SVOPL: variants seen among roughly 807,000 people sequenced by gnomAD.
SVOPL encodes the protein putative transporter SVOPL.
In SVOPL, 60 loss-of-function variants were observed where a neutral mutation model predicts 61.0. The observed-to-expected ratio is 0.98, with a 90% CI of 0.80 to 1.22. The LOEUF is 1.22. Among genes scored for constraint, SVOPL ranks in the 50% most tolerant of loss-of-function variants. The probability of loss-of-function intolerance (pLI) is 0.00; values close to 1 mark genes in which losing one functional copy is unlikely to be tolerated. For missense variants in SVOPL, 662 were observed against 643.9 expected (o/e 1.03, Z -0.30); for synonymous variants, 279 against 250.0 (o/e 1.12, Z -1.09).
chr7:138,621,723 C>A (rs939965052), intron 13 of SVOPL, among the ~76,000 whole-genome samples: 21 of 152,150 alleles, frequency 1.4e-4, no homozygotes, highest in African/African-American at 4.8e-4. Context: ...ATACCTGGCC[C>A]CTGTGTTCTT....
chr7:138,659,768 T>G (rs1801917957), intron 6 of SVOPL, 96 bp downstream of exon 6: 2 of 1,215,986 alleles, frequency 1.6e-6, no homozygotes, highest in Non-Finnish European at 2.3e-6. Flanking sequence ...TATGTTGGGT[T>G]CACAATGCTT....
rs58372563 is a variant in SVOPL, at chr7:138,599,167, A to AAAAAAC, written c.1354-2638_1354-2637insGTTTTT. ...AAAAAAAAAAAAAAAACCAAAAAAA[A>AAAAAAC]AAGAAATACAGAAATGTCAAAAGAC... is the stretch of plus-strand genomic sequence containing the variant. On this transcript the variant is annotated intron_variant, in intron 14 of 15. Transcript: ENST00000674285. Among the ~76,000 whole-genome samples, 638 of 121,774 alleles carry AAAAAAC rather than the reference A, an allele frequency of 5.2e-3. 14 individuals carry two copies. The highest frequency in any genetic ancestry group is 0.014 in the African/African-American group (434 of 31,560). 79.9% of individuals were successfully genotyped at this position (121,774 alleles called of 152,430 possible).
intron 7 of SVOPL, among the ~76,000 whole-genome samples, chr7:138,649,383 T>A (rs1801307913): frequency 6.6e-6 from 1 of 152,102 alleles, no homozygotes; most frequent in Non-Finnish European, 1.5e-5. Context: ...ACCCTCTGCC[T>A]CCTGGGTTCA....
At chr7:138,618,704 A>T (rs1446609304) in intron 14 of SVOPL, among the ~76,000 whole-genome samples, 1 of 143,960 alleles carries the variant, frequency 6.9e-6, no homozygotes, top group Non-Finnish European at 1.5e-5. Context: ...ACGCGTGCAC[A>T]CGCGCGAGAG....
At chr7:138,627,775 A>G (rs1467019792) in intron 11 of SVOPL, among the ~76,000 whole-genome samples, 2 of 152,140 alleles carry the variant, frequency 1.3e-5, no homozygotes, top group Non-Finnish European at 2.9e-5. Context: ...TCAAGGTGCC[A>G]TTGATTTTTT....
intron 6 of SVOPL, among the ~76,000 whole-genome samples, chr7:138,659,106 T>G (rs549491170): frequency 1.2e-4 from 18 of 152,304 alleles, no homozygotes; most frequent in Non-Finnish European, 2.1e-4. Flanking sequence ...GAGGCTTCAT[T>G]TGCATGATAA....
At chr7:138,673,924 C>T (rs976771557) in intron 3 of SVOPL, among the ~76,000 whole-genome samples, 1 of 151,844 alleles carries the variant, frequency 6.6e-6, no homozygotes, top group Non-Finnish European at 1.5e-5. Flanking sequence ...GTGGCTTACG[C>T]CTGTAATCCC....
intron 14 of SVOPL, among the ~76,000 whole-genome samples, chr7:138,613,648 C>T (rs1799153361): frequency 6.6e-6 from 1 of 152,116 alleles, no homozygotes. Context: ...AAGCCTGTCA[C>T]CCCTTTTACT....
intron 5 of SVOPL, chr7:138,662,737 G>A: frequency 9.0e-7 from 1 of 1,105,894 alleles, no homozygotes; most frequent in Non-Finnish European, 1.1e-6. Context: ...ACCAACCCAT[G>A]ACTGCTTCTA....
chr7:138,638,217 G>A (rs1224040312), intron 9 of SVOPL, among the ~76,000 whole-genome samples: 2 of 145,026 alleles, frequency 1.4e-5, no homozygotes, highest in African/African-American at 2.6e-5. Flanking sequence ...AGGTTTCAGT[G>A]TGCCGAGATG....
intron 3 of SVOPL, among the ~76,000 whole-genome samples, chr7:138,673,649 T>A (rs1361318699): frequency 1.3e-5 from 2 of 151,630 alleles, no homozygotes; most frequent in East Asian, 2.0e-4. Flanking sequence ...TGTCTACAAA[T>A]AATAATAATC....
At chr7:138,610,919 A>G (rs1798971131) in intron 14 of SVOPL, among the ~76,000 whole-genome samples, 1 of 152,206 alleles carries the variant, frequency 6.6e-6, no homozygotes, top group African/African-American at 2.4e-5. Context: ...ACTGACACCC[A>G]CTTACAGGTA....
intron 3 of SVOPL, 58 bp from the exon 4 acceptor site, chr7:138,672,175 C>T (rs1448960165): frequency 2.0e-6 from 3 of 1,474,476 alleles, no homozygotes; most frequent in African/African-American, 1.4e-5. Context: ...CACTTCTTCT[C>T]ATATCTGCCT....
At chr7:138,686,904 C>G (rs1802830305) in intron 1 of SVOPL, among the ~76,000 whole-genome samples, 1 of 152,068 alleles carries the variant, frequency 6.6e-6, no homozygotes, top group Admixed American at 6.6e-5. Flanking sequence ...ATAAACATAA[C>G]AAACAATTAT....
intron 9 of SVOPL, among the ~76,000 whole-genome samples, chr7:138,631,574 A>G (rs113799537): frequency 1.1e-3 from 166 of 151,050 alleles, no homozygotes; most frequent in African/African-American, 3.6e-3. Flanking sequence ...CCCCTCCCCA[A>G]AGCTTTTTTT....
chr7:138,633,838 G>A (rs1052597987), intron 9 of SVOPL, among the ~76,000 whole-genome samples: 7 of 152,098 alleles, frequency 4.6e-5, no homozygotes, highest in African/African-American at 1.7e-4. Context: ...GATGGTAGTG[G>A]GATTCAAGAC....
intron 2 of SVOPL, 43 bp downstream of exon 2, chr7:138,678,921 T>G: frequency 6.5e-7 from 1 of 1,533,330 alleles, no homozygotes; most frequent in Non-Finnish European, 8.8e-7. Context: ...GATTCTTAAC[T>G]CTAAGCAGCA....
chr7:138,655,832 A>C (rs996272382), intron 7 of SVOPL, among the ~76,000 whole-genome samples: 2 of 152,130 alleles, frequency 1.3e-5, no homozygotes, highest in African/African-American at 4.8e-5. Context: ...CCTGGTGAAG[A>C]AGCTATGAAC....
rs190824485 is a variant in SVOPL at position 138,687,930 on chromosome 7, T to A, written c.-34-8851A>T. 1.7e-3 allele frequency among the ~76,000 whole-genome samples: 257 copies of A among 152,058 alleles called. 1 individual carries two copies. Among genetic ancestry groups the A allele is most frequent in the African/African-American group, 5.8e-3 (241 of 41,498 alleles). On this transcript the variant is annotated intron_variant, in intron 1 of 15. Coordinates refer to ENST00000674285, the MANE Select transcript of SVOPL (RefSeq NM_001139456.2). ...GATTCTCCTGCCTTAGCCTTCTGAG[T>A]AGCTGGGATTACAGGTGTGCACCAC...
Sources: allele counts gnomAD v4.1 joint callset (sites outside exome capture counted in the v4.1 genomes callset), GRCh38; gene constraint gnomAD v4.1.1; transcripts MANE v1.5; gene names NCBI Gene and HGNC (gene_info 2026-07-23, HGNC 2026-07-21).